Variants in RBFOX1 observed in about 807,000 individuals in gnomAD.
The protein encoded by RBFOX1 is RNA binding protein fox-1 homolog 1.
Under a neutral mutation model 57.7 loss-of-function variants are expected in RBFOX1, and 8 were observed. That is an observed-to-expected ratio of 0.14 (90% CI 0.08 to 0.25). The LOEUF (loss-of-function observed/expected upper bound fraction) is 0.25. Ranked by LOEUF, RBFOX1 falls within the 10% of genes least tolerant of loss-of-function variation. The probability of loss-of-function intolerance (pLI) is 1.00; values close to 1 mark genes in which losing one functional copy is unlikely to be tolerated. For missense variants in RBFOX1, 611 were observed against 548.5 expected (o/e 1.11, Z -1.14); for synonymous variants, 326 against 222.4 (o/e 1.47, Z -4.15).
intron 4 of RBFOX1, among the ~76,000 whole-genome samples, chr16:7,453,060 T>C (rs1598778531): frequency 7.2e-6 from 1 of 138,694 alleles, no homozygotes; most frequent in South Asian, 2.3e-4. Flanking sequence ...ACCCGGGAGG[T>C]GGAGGTTGCA....
chr16:7,651,906 C>T (rs1388301261), intron 11 of RBFOX1, among the ~76,000 whole-genome samples: 1 of 151,818 alleles, frequency 6.6e-6, no homozygotes, highest in Non-Finnish European at 1.5e-5. Flanking sequence ...ATGGGACAAG[C>T]GTAGTGAGTA....
chr16:7,622,829 C>T (rs1055782917), intron 10 of RBFOX1, among the ~76,000 whole-genome samples: 1 of 152,176 alleles, frequency 6.6e-6, no homozygotes, highest in Non-Finnish European at 1.5e-5. Context: ...TATCCCTATA[C>T]TTAAAACTCT....
chr16:5,268,848 T>G (rs1206999202), intron 1 of RBFOX1, among the ~76,000 whole-genome samples: 2 of 152,232 alleles, frequency 1.3e-5, no homozygotes, highest in Non-Finnish European at 2.9e-5. Flanking sequence ...TACACCATTT[T>G]AACACCCACC....
intron 2 of RBFOX1, among the ~76,000 whole-genome samples, chr16:6,422,264 C>T (rs894692792): frequency 2.7e-5 from 4 of 149,574 alleles, no homozygotes; most frequent in African/African-American, 9.9e-5. Flanking sequence ...TCTTTAGATT[C>T]AGGGGTACAT....
intron 4 of RBFOX1, among the ~76,000 whole-genome samples, chr16:7,493,440 G>A (rs540887568): frequency 1.3e-5 from 2 of 152,310 alleles, no homozygotes; most frequent in East Asian, 1.9e-4. Flanking sequence ...GAGTGTTACT[G>A]TATATGGAAA....
intron 3 of RBFOX1, among the ~76,000 whole-genome samples, chr16:5,845,906 C>G (rs1252865895): frequency 6.6e-6 from 1 of 152,112 alleles, no homozygotes; most frequent in Non-Finnish European, 1.5e-5. Context: ...GGCGTGGTGG[C>G]TCACGCCTGT....
intron 1 of RBFOX1, among the ~76,000 whole-genome samples, chr16:6,256,358 G>C (rs192032700): frequency 6.8e-6 from 1 of 147,642 alleles, no homozygotes; most frequent in Admixed American, 7.0e-5. Context: ...CCAAGAAGGG[G>C]AAGAGGTTGG....
chr16:7,657,652 A>T (rs925961388), intron 12 of RBFOX1, among the ~76,000 whole-genome samples: 1 of 152,194 alleles, frequency 6.6e-6, no homozygotes, highest in African/African-American at 2.4e-5. Context: ...CCATGTCTTG[A>T]TATTTTCTGA....
chr16:6,613,869 C>T (rs1369835153), intron 2 of RBFOX1, among the ~76,000 whole-genome samples: 2 of 152,072 alleles, frequency 1.3e-5, no homozygotes, highest in Non-Finnish European at 2.9e-5. Flanking sequence ...ATCTGGGAGG[C>T]AGAGGTTGCA....
chr16:7,644,619 C>T (rs542592877), intron 11 of RBFOX1, among the ~76,000 whole-genome samples: 2 of 152,172 alleles, frequency 1.3e-5, no homozygotes, highest in South Asian at 2.1e-4. Context: ...CATCACACAC[C>T]GTAGTCAATA....
intron 4 of RBFOX1, among the ~76,000 whole-genome samples, chr16:7,487,646 C>G (rs945095501): frequency 1.3e-5 from 2 of 152,092 alleles, no homozygotes; most frequent in African/African-American, 4.8e-5. Flanking sequence ...CATATAGAAA[C>G]ACGCACTGAG....
rs140423289 is a variant in RBFOX1, at chr16:7,283,002, G to A, written c.27+230904G>A. On this transcript the variant is annotated intron_variant, in intron 4 of 15. Coordinates refer to ENST00000550418, the MANE Select transcript of RBFOX1 (RefSeq NM_018723.4). ...TCACAGTTTCTTCAATGCACTCATT[G>A]GTTTATGGATGGGTTGGTTCCACAT... Among the ~76,000 whole-genome samples, 493 of 152,232 alleles carry A rather than the reference G, an allele frequency of 3.2e-3. 1 individual carries two copies. Among genetic ancestry groups the A allele is most frequent in the Middle Eastern group, 0.02 (6 of 294 alleles).
At chr16:6,600,678 G>A (rs1425556641) in intron 2 of RBFOX1, among the ~76,000 whole-genome samples, 1 of 152,140 alleles carries the variant, frequency 6.6e-6, no homozygotes, top group African/African-American at 2.4e-5. Context: ...TGGCCTGATA[G>A]AATTACAAGT....
intron 3 of RBFOX1, among the ~76,000 whole-genome samples, chr16:6,702,859 C>T (rs1275511786): frequency 6.6e-6 from 1 of 152,208 alleles, no homozygotes; most frequent in East Asian, 1.9e-4. Flanking sequence ...ACCATCACCA[C>T]CATCTGTCTC....
chr16:7,068,397 C>G (rs1017034788), intron 4 of RBFOX1, among the ~76,000 whole-genome samples: 2 of 152,108 alleles, frequency 1.3e-5, no homozygotes, highest in African/African-American at 4.8e-5. Flanking sequence ...CCAGAGCATT[C>G]AGAACTACCA....
Position 7,474,611 on chromosome 16 carries a change from A to C in RBFOX1, c.28-43536A>C, listed in dbSNP as rs1437574940. On this transcript the variant is annotated intron_variant, in intron 4 of 15. Coordinates refer to ENST00000550418, the MANE Select transcript of RBFOX1 (RefSeq NM_018723.4). ...CAGGACCGCAATTACTTTTGCACCA[A>C]GCTAATATTAAGGAGCCTGGCTCTA... Among the ~76,000 whole-genome samples the C allele has an allele frequency of 2.6e-5, 4 of 152,356 alleles. No homozygotes were observed. In the East Asian group the frequency reaches 7.7e-4, roughly 29 times the overall value.
intron 4 of RBFOX1, among the ~76,000 whole-genome samples, chr16:7,183,182 G>C (rs1459419942): frequency 6.6e-6 from 1 of 152,164 alleles, no homozygotes; most frequent in Non-Finnish European, 1.5e-5. Context: ...GAGTCAGATA[G>C]AACAGCCACT....
chr16:5,622,221 G>A (rs918089361), intron 3 of RBFOX1, among the ~76,000 whole-genome samples: 1 of 152,192 alleles, frequency 6.6e-6, no homozygotes, highest in Non-Finnish European at 1.5e-5. Flanking sequence ...TGTTTTGACA[G>A]TAATTATGAT....
chr16:5,454,105 G>C, intron 1 of RBFOX1, among the ~76,000 whole-genome samples: 1 of 152,178 alleles, frequency 6.6e-6, no homozygotes, highest in East Asian at 1.9e-4. Context: ...TGAGGAGTTT[G>C]GGTTTTATTT....
Sources: gnomAD v4.1 joint callset for allele counts (sites outside exome capture counted in the v4.1 genomes callset) on GRCh38, gnomAD v4.1.1 for gene constraint, MANE v1.5 for transcripts, NCBI Gene and HGNC (gene_info 2026-07-23, HGNC 2026-07-21) for gene names.